ABCE1: variants seen among roughly 807,000 people sequenced by gnomAD.
The protein encoded by ABCE1 is ATP binding cassette subfamily E member 1, also known as ATP-binding cassette sub-family E member 1.
Under a neutral mutation model 83.4 loss-of-function variants are expected in ABCE1, and 22 were observed. The observed-to-expected ratio is 0.26, with a 90% confidence interval of 0.19 to 0.38. ABCE1 has a LOEUF of 0.38. Ranked by LOEUF, ABCE1 falls within the 10% of genes least tolerant of loss-of-function variation. ABCE1 has a pLI of 1.00. For synonymous variants in ABCE1, 204 were observed against 233.7 expected, an observed-to-expected ratio of 0.87 and a Z score of 1.16; for missense variants, 330 against 721.9, an observed-to-expected ratio of 0.46 and a Z score of 6.22.
intron 9 of ABCE1, among the ~76,000 whole-genome samples, chr4:145,114,737 T>A (rs1366071961): frequency 6.6e-6 from 1 of 151,982 alleles, no homozygotes; most frequent in African/African-American, 2.4e-5. Flanking sequence ...GGACAGTAAC[T>A]TTAATTGTAA....
At chr4:145,104,050 C>T (rs1287483373) in intron 1 of ABCE1, among the ~76,000 whole-genome samples, 1 of 151,920 alleles carries the variant, frequency 6.6e-6, no homozygotes, top group East Asian at 1.9e-4. Context: ...TTGTTCAGGT[C>T]ATTTATATCA....
At chr4:145,120,625 T>G (rs1007725801) in intron 11 of ABCE1, among the ~76,000 whole-genome samples, 15 of 152,060 alleles carry the variant, frequency 9.9e-5, no homozygotes, top group African/African-American at 3.6e-4. Context: ...AGTGTAGATA[T>G]AAGATGAATT....
chr4:145,116,056 T>C (rs1402874766), intron 9 of ABCE1, among the ~76,000 whole-genome samples: 1 of 152,038 alleles, frequency 6.6e-6, no homozygotes, highest in East Asian at 1.9e-4. Context: ...GGATTTGAGA[T>C]GGACCTTAAA....
At position 145,129,227 on chromosome 4, in the gene ABCE1, ACTG is replaced by A. The variant is rs1749975109; in HGVS notation, c.*1657_*1659del. The A allele has an allele frequency of 6.6e-6, 1 of 152,230 alleles. No homozygotes were observed. Among genetic ancestry groups the A allele is most frequent in the South Asian group, 2.1e-4 (1 of 4,824 alleles). 9.4% of individuals were successfully genotyped at this position (152,230 alleles called of 1,614,324 possible). ...GTGATATAAGAGCACAGTTCTACTT[ACTG>A]CTAATGACAGAATATGTATTAAACG... is the stretch of plus-strand genomic sequence containing the variant. On this transcript the variant is annotated 3_prime_UTR_variant, in exon 18 of 18. Transcript: ENST00000296577.
intron 1 of ABCE1, among the ~76,000 whole-genome samples, chr4:145,099,799 T>C (rs1415680715): frequency 6.6e-6 from 1 of 152,200 alleles, no homozygotes; most frequent in African/African-American, 2.4e-5. Context: ...TTACAATTAT[T>C]TTGGCTTTAG....
At chr4:145,112,431 T>A (rs780706420) in intron 9 of ABCE1, 103 bp downstream of exon 9, 33 of 840,662 alleles carry the variant, frequency 3.9e-5, no homozygotes, top group Non-Finnish European at 5.7e-5. Flanking sequence ...ACATATTTTT[T>A]ATCTTGGTTG....
At chr4:145,123,681 A>G in intron 16 of ABCE1, 81 bp downstream of exon 16, 1 of 1,377,410 alleles carries the variant, frequency 7.3e-7, no homozygotes. Context: ...TTTAATTTTT[A>G]AAAAATGAAA....
In ABCE1 at chr4:145,102,075, T is replaced by G. The variant is rs35473564; in HGVS notation, c.-27-2311T>G. On this transcript the variant is annotated intron_variant, in intron 1 of 17. Coordinates refer to ENST00000296577, the MANE Select transcript of ABCE1 (RefSeq NM_002940.3). ...AACAGTAGAAAAACCAGATTAGTGT[T>G]GTATCCTAAAACCAAGTTAAGAAAG... is the stretch of plus-strand genomic sequence containing the variant. Among the ~76,000 whole-genome samples, 645 of 152,222 alleles carry G rather than the reference T, an allele frequency of 4.2e-3. 3 individuals are homozygous for G. The highest frequency in any genetic ancestry group is 0.014 in the African/African-American group (591 of 41,538).
At chr4:145,110,289 A>C (rs1376436269) in intron 6 of ABCE1, 49 bp downstream of exon 6, 6 of 1,599,578 alleles carry the variant, frequency 3.8e-6, no homozygotes, top group Non-Finnish European at 5.1e-6. Flanking sequence ...GAAGTATAAA[A>C]GATATATCAA....
intron 4 of ABCE1, 56 bp downstream of exon 4, chr4:145,108,168 G>A: frequency 6.6e-7 from 1 of 1,516,722 alleles, no homozygotes; most frequent in Admixed American, 1.8e-5. Context: ...AATACATTTG[G>A]GATTTTAAGA....
intron 17 of ABCE1, 49 bp downstream of exon 17, chr4:145,125,150 A>T: frequency 7.7e-7 from 1 of 1,303,498 alleles, no homozygotes; most frequent in Non-Finnish European, 1.1e-6. Context: ...CTCAGTATAA[A>T]CACTTGAAAG....
chr4:145,112,448 G>C (rs1224491289), intron 9 of ABCE1, 120 bp downstream of exon 9: 1 of 729,146 alleles, frequency 1.4e-6, no homozygotes, highest in African/African-American at 1.9e-5. Flanking sequence ...GTTGTTTATA[G>C]CTGCCACCTA....
At chr4:145,108,307 G>T (rs867667933) in intron 4 of ABCE1, among the ~76,000 whole-genome samples, 195 bp downstream of exon 4, 13 of 152,098 alleles carry the variant, frequency 8.5e-5, no homozygotes, top group Admixed American at 3.3e-4. Context: ...TTACCTATGG[G>T]ACTTTTTAAA....
rs1172792041 is a variant in ABCE1, at chr4:145,128,763, A to C, written c.*1190A>C. On this transcript the variant is annotated 3_prime_UTR_variant, in exon 18 of 18. Coordinates refer to ENST00000296577, the MANE Select transcript of ABCE1 (RefSeq NM_002940.3). ...GGCAAGCAAAATTGAGGAGGAAATT[A>C]GAAACTGTTTGACAAACTTTAAGAG... 1 of 152,234 alleles carries C rather than the reference A, an allele frequency of 6.6e-6. No homozygotes were observed. Among genetic ancestry groups the C allele is most frequent in the Non-Finnish European group, 1.5e-5 (1 of 68,032 alleles). 9.4% of individuals were successfully genotyped at this position (152,234 alleles called of 1,614,324 possible).
intron 3 of ABCE1, among the ~76,000 whole-genome samples, chr4:145,107,788 A>T (rs1205185724): frequency 2.0e-5 from 3 of 152,200 alleles, no homozygotes; most frequent in African/African-American, 7.2e-5. Flanking sequence ...TGTACTCGGC[A>T]GTCCTGGAAC....
chr4:145,125,905 G>C (rs1749871354), intron 17 of ABCE1, among the ~76,000 whole-genome samples: 1 of 152,016 alleles, frequency 6.6e-6, no homozygotes, highest in South Asian at 2.1e-4. Flanking sequence ...GCCAGGCGTG[G>C]TGGCATGCGC....
intron 9 of ABCE1, among the ~76,000 whole-genome samples, chr4:145,116,842 T>C (rs1560962507): frequency 6.6e-6 from 1 of 151,960 alleles, no homozygotes; most frequent in Non-Finnish European, 1.5e-5. Context: ...ACCTATTCCT[T>C]GTCTTCCCCA....
Position 145,123,554 on chromosome 4 carries a change from G to A in ABCE1, c.1594G>A (p.Val532Ile), listed in dbSNP as rs201425980. 6.2e-6 allele frequency: 10 copies of A among 1,606,102 alleles called. No individual in the cohort carries two copies. The highest frequency in any genetic ancestry group is 4.0e-5 in the African/African-American group (3 of 74,840). Residue 532 changes from valine (V) to isoleucine (I), a missense_variant, in exon 16 of 18, where the codon GTC becomes ATC. Val to Ile is a conservative substitution (Grantham distance 29). Coordinates refer to ENST00000296577, the MANE Select transcript of ABCE1 (RefSeq NM_002940.3). ...CATGGCCACCTATCTAGCGGATCGC[G>A]TCATCGTTTTTGATGGTGTTCCATC... ...FIMATYLADR[V>I]IVFDGVPSKN...
At chr4:145,104,183 G>T (rs1171198894) in intron 1 of ABCE1, among the ~76,000 whole-genome samples, 1 of 151,348 alleles carries the variant, frequency 6.6e-6, no homozygotes, top group Non-Finnish European at 1.5e-5. Flanking sequence ...TCTGATTAAA[G>T]TATATATGTA....
Sources: allele counts gnomAD v4.1 joint callset (sites outside exome capture counted in the v4.1 genomes callset), GRCh38; gene constraint gnomAD v4.1.1; transcripts MANE v1.5; gene names NCBI Gene and HGNC (gene_info 2026-07-23, HGNC 2026-07-21).